Variants in OTOG observed in about 807,000 individuals in gnomAD.
OTOG encodes otogelin.
Under a neutral mutation model 313.8 loss-of-function variants are expected in OTOG, and 296 were observed. That is an observed-to-expected ratio of 0.94 (90% CI 0.86 to 1.04). The LOEUF (loss-of-function observed/expected upper bound fraction) is 1.04, where lower values mean the gene tolerates loss of function less well. Ranked by LOEUF, OTOG falls within the 50% of genes least tolerant of loss-of-function variation. OTOG has a pLI of 0.00. For missense variants in OTOG, 3,948 were observed against 3,840.1 expected (o/e 1.03, Z -0.74); for synonymous variants, 1,533 against 1,554.9 (o/e 0.99, Z 0.33).
intron 48 of OTOG, chr11:17,638,852 C>T (rs1847908479): frequency 3.9e-6 from 5 of 1,274,252 alleles, no homozygotes; most frequent in Non-Finnish European, 5.3e-6. Flanking sequence ...AATCCCAGCA[C>T]TTTGAGAGGC....
rs1247009940 is a variant in OTOG, at chr11:17,642,137, C to T, written c.8306C>T (p.Ser2769Phe). The change falls in exon 53 of 56, where the codon TCC (serine) becomes TTC (phenylalanine). Residue 2769 changes from serine (S) to phenylalanine (F), a missense_variant. Ser to Phe is a radical substitution (Grantham distance 155, BLOSUM62 -2). Transcript: ENST00000399397. ...TTCTGTGCCCTCCAGCCCGGGGCAT[C>T]CTGGATCGCAGACTGCGCCCGCCAC... Reference protein sequence around the residue: ...GTTSLFLPGASWIADCARHHC... With the variant: ...GTTSLFLPGAFWIADCARHHC... 4 of 1,544,620 alleles carry T rather than the reference C, an allele frequency of 2.6e-6. No individual in the cohort carries two copies. The South Asian group carries it at 3.6e-5, about 14-fold the overall frequency.
chr11:17,582,430 T>C (rs1590018877), intron 23 of OTOG, among the ~76,000 whole-genome samples: 4 of 152,308 alleles, frequency 2.6e-5, no homozygotes, highest in Admixed American at 2.6e-4. Context: ...GACATTTGGG[T>C]TGTTTTCAGT....
Position 17,561,726 on chromosome 11 carries a change from C to G in OTOG, c.1563C>G (p.Pro521=), listed in dbSNP as rs749836896. 3.2e-6 allele frequency: 5 copies of G among 1,550,390 alleles called. No homozygotes were observed. The Admixed American group carries it at 7.8e-5, about 24-fold the overall frequency. Residue 521 remains proline (P), a synonymous_variant, in exon 15 of 56, where the codon CCC becomes CCG. Coordinates refer to ENST00000399397, the MANE Select transcript of OTOG (RefSeq NM_001292063.2). ...TTFDGRRYTF[P]ATCQYILAKS... is the part of the protein sequence containing the mutation. Reference sequence around the variant, plus strand: ...TTGATGGCCGCCGGTACACGTTCCCCGCCACATGTCAGTACATCCTGGCCA... The same window carrying G: ...TTGATGGCCGCCGGTACACGTTCCCGGCCACATGTCAGTACATCCTGGCCA...
At chr11:17,592,185 A>C (rs765510532) in intron 25 of OTOG, among the ~76,000 whole-genome samples, 8 of 152,144 alleles carry the variant, frequency 5.3e-5, no homozygotes, top group Admixed American at 1.3e-4. Flanking sequence ...CCCCAGGAGG[A>C]ATGGGCACTG....
intron 15 of OTOG, among the ~76,000 whole-genome samples, chr11:17,567,599 C>G (rs1023544): frequency 0.15 from 22,667 of 152,270 alleles, 1,795 homozygotes; most frequent in Middle Eastern, 0.21. Context: ...CCTGCCTCAG[C>G]TGCCAAAGGA....
chr11:17,584,474 T>C (rs1227754786), intron 23 of OTOG, among the ~76,000 whole-genome samples: 1 of 152,204 alleles, frequency 6.6e-6, no homozygotes, highest in East Asian at 1.9e-4. Context: ...AGTTTCTTTT[T>C]ATTTCTATTA....
chr11:17,603,766 G>A (rs191636142), intron 32 of OTOG, among the ~76,000 whole-genome samples: 1 of 152,324 alleles, frequency 6.6e-6, no homozygotes, highest in East Asian at 1.9e-4. Context: ...GAAGTGGAGA[G>A]CAGGAAACAT....
Position 17,553,106 on chromosome 11 carries a change from G to T in OTOG, c.293-13G>T. The T allele has an allele frequency of 1.3e-6, 2 of 1,550,280 alleles. No homozygotes were observed. The highest frequency in any genetic ancestry group is 1.4e-5 in the African/African-American group (1 of 73,158). ...CAGCTTGATGGGGCAATGACTCTGT[G>T]TCTCCCATGCAGACTTGTTCTCCTG... On this transcript the variant is annotated splice_polypyrimidine_tract_variant and intron_variant, in intron 4 of 55. Coordinates refer to ENST00000399397, the MANE Select transcript of OTOG (RefSeq NM_001292063.2).
rs144220847 is a variant in OTOG at position 17,558,198 on chromosome 11, C to T, written c.879C>T (p.Asp293=). ...DLVTSSGKLT[D]DVVEFVHSWQ... Reference sequence around the variant, plus strand: ...TCCCTCCTCCAGGGAAGCTGACTGACGACGTGGTTGAGTTTGTGCACAGCT... The same window carrying T: ...TCCCTCCTCCAGGGAAGCTGACTGATGACGTGGTTGAGTTTGTGCACAGCT... The change falls in exon 9 of 56, where the codon GAC becomes GAT. Residue 293 remains aspartate, a synonymous_variant. Transcript: ENST00000399397. 1.0e-4 allele frequency: 158 copies of T among 1,550,580 alleles called. No individual in the cohort carries two copies. The African/African-American group carries it at 1.8e-3, about 17-fold the overall frequency.
Position 17,594,175 on chromosome 11 carries a change from T to G in OTOG, c.3408+9T>G. 1.9e-6 allele frequency: 3 copies of G among 1,550,510 alleles called. No individual in the cohort carries two copies. Among genetic ancestry groups the G allele is most frequent in the Non-Finnish European group, 2.6e-6 (3 of 1,146,978 alleles). ...GTTGGGCTGCAGTTGAGGTAAAGCC[T>G]CTCTTCCAGGCTGGCTTATGCCCCT... On this transcript the variant is annotated intron_variant, in intron 28 of 55. Coordinates refer to ENST00000399397, the MANE Select transcript of OTOG (RefSeq NM_001292063.2).
chr11:17,560,619 A>G, intron 12 of OTOG, 90 bp from the exon 13 acceptor site: 2 of 893,638 alleles, frequency 2.2e-6, no homozygotes, highest in Middle Eastern at 2.2e-4. Flanking sequence ...AAGTTAGATA[A>G]GGGGATCTTT....
chr11:17,636,304 T>TATGTAA (rs1385389357), intron 47 of OTOG, among the ~76,000 whole-genome samples: 1 of 152,208 alleles, frequency 6.6e-6, no homozygotes, highest in Non-Finnish European at 1.5e-5. Flanking sequence ...ACATAGTACC[T>TATGTAA]CAATAGTAAC....
intron 24 of OTOG, among the ~76,000 whole-genome samples, chr11:17,591,126 T>C (rs1200689512): frequency 6.6e-6 from 1 of 152,224 alleles, no homozygotes; most frequent in Non-Finnish European, 1.5e-5. Flanking sequence ...GCCTGAGATA[T>C]GGTAGGCACC....
Position 17,569,168 on chromosome 11 carries a change from G to A in OTOG, c.1657G>A (p.Ala553Thr). The change falls in exon 16 of 56, where the codon GCC becomes ACC. Residue 553 changes from alanine (A) to threonine (T), a missense_variant. Coordinates refer to ENST00000399397, the MANE Select transcript of OTOG (RefSeq NM_001292063.2). Reference protein sequence around the residue: ...NAPCGLNQDGACVQSVSVILH... With the variant: ...NAPCGLNQDGTCVQSVSVILH... Reference sequence around the variant, plus strand: ...TCTATCTCTCCAGAACCAAGATGGAGCCTGTGTCCAGTCAGTGTCAGTGAT... The same window carrying A: ...TCTATCTCTCCAGAACCAAGATGGAACCTGTGTCCAGTCAGTGTCAGTGAT... The A allele has an allele frequency of 6.4e-7, 1 of 1,550,656 alleles. No homozygotes were observed.
At position 17,561,138 on chromosome 11, in the gene OTOG, G is replaced by A; in HGVS notation, c.1498+1G>A. 3 of 1,550,578 alleles carry A rather than the reference G, an allele frequency of 1.9e-6. No homozygotes were observed. Among genetic ancestry groups the A allele is most frequent in the Non-Finnish European group, 2.6e-6 (3 of 1,146,974 alleles). ...GAGTGCAGCACAGCTGTCTGCCCAG[G>A]TATGTCTGCCCCCCACCTTGCACTA... On this transcript the variant is annotated splice_donor_variant, in intron 14 of 55. Coordinates refer to ENST00000399397, the MANE Select transcript of OTOG (RefSeq NM_001292063.2). LOFTEE classifies it high-confidence loss of function.
chr11:17,640,849 C>A, intron 50 of OTOG, 29 bp downstream of exon 50: 1 of 1,550,128 alleles, frequency 6.5e-7, no homozygotes, highest in Non-Finnish European at 8.7e-7. Flanking sequence ...GGGGCAGAGC[C>A]ATGCAGGAGG....
chr11:17,557,442 A>T, intron 8 of OTOG, 119 bp downstream of exon 8: 2 of 991,834 alleles, frequency 2.0e-6, no homozygotes, highest in Non-Finnish European at 3.0e-6. Context: ...GGTATTAAAG[A>T]CCCAATGGAA....
At position 17,626,874 on chromosome 11, in the gene OTOG, T is replaced by TG. The variant is rs371244180; in HGVS notation, c.6529-2257dup. ...TTCTTAGATAATTTAATTTTACTTG[T>TG]GGCTATTGTAAATGGGATTACTTTT... On this transcript the variant is annotated intron_variant, in intron 39 of 55. Transcript: ENST00000399397. 7.0e-3 allele frequency among the ~76,000 whole-genome samples: 1,070 copies of TG among 152,352 alleles called. 9 individuals carry two copies. The highest frequency in any genetic ancestry group is 0.041 in the Middle Eastern group (12 of 294).
chr11:17,569,945 C>A (rs1029834038), intron 16 of OTOG, among the ~76,000 whole-genome samples: 1 of 152,168 alleles, frequency 6.6e-6, no homozygotes, highest in African/African-American at 2.4e-5. Context: ...TTAGTGGGAG[C>A]AAAGCTTTAA....
Sources: gnomAD v4.1 joint callset for allele counts (sites outside exome capture counted in the v4.1 genomes callset) on GRCh38, gnomAD v4.1.1 for gene constraint, MANE v1.5 for transcripts, NCBI Gene and HGNC (gene_info 2026-07-23, HGNC 2026-07-21) for gene names.